MCC: variants seen among roughly 807,000 people sequenced by gnomAD.
MCC encodes the protein colorectal mutant cancer protein.
Under a neutral mutation model 116.2 loss-of-function variants are expected in MCC, and 90 were observed. The ratio of observed to expected loss-of-function variants is 0.77; its 90% CI spans 0.65 to 0.92. The LOEUF is 0.92. Ranked by LOEUF, MCC falls within the 40% of genes least tolerant of loss-of-function variation. The probability of loss-of-function intolerance (pLI) is 0.00; values close to 1 mark genes in which losing one functional copy is unlikely to be tolerated. For missense variants in MCC, 1,516 were observed against 1,312.2 expected (o/e 1.16, Z -2.40); for synonymous variants, 578 against 510.5 (o/e 1.13, Z -1.78).
rs145838279 is a variant in MCC at position 113,339,438 on chromosome 5, T to TGTGC, written c.627+1080_627+1081insGCAC. On this transcript the variant is annotated intron_variant, in intron 3 of 18. Coordinates refer to ENST00000408903, the MANE Select transcript of MCC (RefSeq NM_001085377.2). ...GTGTGTGTGTGTGTGTGTGTGTGTG[T>TGTGC]GCGTGCATGTGTGTTTTACTGTAAT... Among the ~76,000 whole-genome samples the TGTGC allele has an allele frequency of 4.2e-3, 622 of 149,658 alleles. 2 individuals are homozygous for TGTGC. The highest frequency in any genetic ancestry group is 0.011 in the African/African-American group (449 of 40,176).
intron 3 of MCC, among the ~76,000 whole-genome samples, chr5:113,272,268 C>G (rs13436236): frequency 0.23 from 35,615 of 151,994 alleles, 7,378 homozygotes; most frequent in African/African-American, 0.54. Flanking sequence ...CTATGAGCCA[C>G]AATTATTATC....
chr5:113,101,943 T>G lies in MCC; in HGVS notation c.1194A>C (p.Thr398=), dbSNP rs1469525660. The part of the protein sequence containing the change: ...ASEHCDLAIK[T]VEEIEGVLGR... ...CAAGCACCCCCTCAATCTCCTCGAC[T>G]GTCTGTAAAACACAGCCCCAAAGAA... is the stretch of plus-strand genomic sequence containing the variant. Residue 398 remains threonine (T), a splice_region_variant and synonymous_variant, in exon 8 of 19, where the codon ACA becomes ACC. Coordinates refer to ENST00000408903, the MANE Select transcript of MCC (RefSeq NM_001085377.2). 6.2e-7 allele frequency: 1 copy of G among 1,613,664 alleles called. No homozygotes were observed.
chr5:113,059,574 AG>A (rs1753072615), intron 14 of MCC, among the ~76,000 whole-genome samples: 1 of 152,258 alleles, frequency 6.6e-6, no homozygotes, highest in South Asian at 2.1e-4. Flanking sequence ...TCTCCAGAAC[AG>A]GAGCCTGTCT....
intron 3 of MCC, among the ~76,000 whole-genome samples, chr5:113,243,813 A>G (rs886473678): frequency 6.6e-6 from 1 of 152,202 alleles, no homozygotes; most frequent in African/African-American, 2.4e-5. Flanking sequence ...CGTTTGCCCA[A>G]TGCTCTAGCC....
At chr5:113,125,552 A>G (rs1300602879) in intron 5 of MCC, among the ~76,000 whole-genome samples, 1 of 152,156 alleles carries the variant, frequency 6.6e-6, no homozygotes, top group Non-Finnish European at 1.5e-5. Flanking sequence ...TCATTCCTGA[A>G]AGGGGGCTGG....
At chr5:113,324,689 C>A (rs1363296551) in intron 3 of MCC, among the ~76,000 whole-genome samples, 1 of 152,202 alleles carries the variant, frequency 6.6e-6, no homozygotes, top group African/African-American at 2.4e-5. Flanking sequence ...AAAGGTAGCA[C>A]TGGCAATCTA....
At chr5:113,390,664 GGAAAGA>G (rs1242939475) in intron 1 of MCC, among the ~76,000 whole-genome samples, 1 of 152,140 alleles carries the variant, frequency 6.6e-6, no homozygotes, top group Admixed American at 6.5e-5. Context: ...ATGTATAATG[GGAAAGA>G]TGGGCTTTGG....
intron 3 of MCC, among the ~76,000 whole-genome samples, chr5:113,233,076 C>G (rs1236039069): frequency 6.6e-6 from 1 of 152,138 alleles, no homozygotes; most frequent in East Asian, 1.9e-4. Context: ...GCAGGCAGTG[C>G]TCTATAAACC....
intron 3 of MCC, among the ~76,000 whole-genome samples, chr5:113,311,708 C>G (rs780556276): frequency 3.3e-5 from 5 of 151,970 alleles, no homozygotes; most frequent in African/African-American, 4.8e-5. Flanking sequence ...CATGGTGGCT[C>G]ACGCCTGTAA....
At chr5:113,271,733 T>A (rs185436612) in intron 3 of MCC, among the ~76,000 whole-genome samples, 192 of 152,338 alleles carry the variant, frequency 1.3e-3, no homozygotes, top group African/African-American at 4.3e-3. Context: ...AATGGATTAA[T>A]GACATTTATC....
intron 1 of MCC, among the ~76,000 whole-genome samples, chr5:113,467,980 TTGTC>T (rs1224560976): frequency 1.3e-5 from 2 of 151,872 alleles, no homozygotes; most frequent in Non-Finnish European, 2.9e-5. Context: ...ATTTGGCTGT[TTGTC>T]TGTTATTGGT....
chr5:113,113,224 T>C (rs1248413057), intron 6 of MCC, among the ~76,000 whole-genome samples: 1 of 152,232 alleles, frequency 6.6e-6, no homozygotes, highest in Non-Finnish European at 1.5e-5. Context: ...GGCAAGATGT[T>C]ATATCCCAGG....
chr5:113,095,815 G>C (rs889189817), intron 8 of MCC, among the ~76,000 whole-genome samples: 10 of 152,094 alleles, frequency 6.6e-5, no homozygotes, highest in African/African-American at 1.9e-4. Flanking sequence ...GGGGTGTCTA[G>C]TCTGAGAGGA....
intron 6 of MCC, among the ~76,000 whole-genome samples, chr5:113,114,387 C>T (rs1315721202): frequency 2.0e-5 from 3 of 152,192 alleles, no homozygotes; most frequent in Admixed American, 2.0e-4. Flanking sequence ...GTGTGTCTTC[C>T]ACATCCAAAT....
intron 14 of MCC, among the ~76,000 whole-genome samples, chr5:113,063,318 G>C (rs1032663403): frequency 3.3e-5 from 5 of 152,218 alleles, no homozygotes; most frequent in Non-Finnish European, 7.3e-5. Context: ...AGAATGAAAT[G>C]ACTTCAGCAA....
intron 3 of MCC, among the ~76,000 whole-genome samples, chr5:113,157,990 A>C (rs12186708): frequency 0.035 from 5,352 of 152,344 alleles, 114 homozygotes; most frequent in South Asian, 0.052. Context: ...GTGATAACCC[A>C]GCTGGCTAAT....
intron 4 of MCC, among the ~76,000 whole-genome samples, chr5:113,146,050 G>C (rs1259967975): frequency 6.6e-6 from 1 of 152,070 alleles, no homozygotes; most frequent in African/African-American, 2.4e-5. Context: ...GAATATATTA[G>C]AGGAAAAAAA....
intron 1 of MCC, among the ~76,000 whole-genome samples, chr5:113,445,407 A>G (rs1250414812): frequency 1.3e-5 from 2 of 152,172 alleles, no homozygotes; most frequent in Admixed American, 1.3e-4. Flanking sequence ...TCAGGCTACA[A>G]AATCAATGTA....
chr5:113,103,223 T>A (rs1330509103), intron 7 of MCC, among the ~76,000 whole-genome samples: 1 of 152,212 alleles, frequency 6.6e-6, no homozygotes, highest in Non-Finnish European at 1.5e-5. Flanking sequence ...ATGTTGGTTC[T>A]CAAATCTTGC....
Sources: allele counts gnomAD v4.1 joint callset (sites outside exome capture counted in the v4.1 genomes callset), GRCh38; gene constraint gnomAD v4.1.1; transcripts MANE v1.5; gene names NCBI Gene and HGNC (gene_info 2026-07-23, HGNC 2026-07-21).